ST6GALNAC3: variants seen among roughly 807,000 people sequenced by gnomAD.
The protein encoded by ST6GALNAC3 is ST6 N-acetylgalactosaminide alpha-2,6-sialyltransferase 3.
A neutral mutation model predicts 32.7 loss-of-function variants in ST6GALNAC3; 25 were observed. That is an observed-to-expected ratio of 0.76 (90% CI 0.56 to 1.07). The LOEUF (loss-of-function observed/expected upper bound fraction) is 1.07. Ranked by LOEUF, ST6GALNAC3 falls within the 50% of genes least tolerant of loss-of-function variation. The pLI is 0.00. For synonymous variants in ST6GALNAC3, 129 were observed against 133.1 expected (o/e 0.97, Z 0.21); for missense variants, 355 against 382.4 (o/e 0.93, Z 0.60).
intron 2 of ST6GALNAC3, among the ~76,000 whole-genome samples, chr1:76,391,197 C>A (rs1652518343): frequency 6.6e-6 from 1 of 152,108 alleles, no homozygotes; most frequent in Non-Finnish European, 1.5e-5. Flanking sequence ...ATCTTGGCCT[C>A]CCAAAGTGCT....
chr1:76,422,160 A>C (rs1452540231), intron 3 of ST6GALNAC3, among the ~76,000 whole-genome samples: 1 of 152,028 alleles, frequency 6.6e-6, no homozygotes, highest in African/African-American at 2.4e-5. Flanking sequence ...AAGCACCTAG[A>C]AGAATATATG....
At position 76,509,993 on chromosome 1, in the gene ST6GALNAC3, G is replaced by GA. The variant is rs569250532; in HGVS notation, c.623+97583dup. Among the ~76,000 whole-genome samples the GA allele has an allele frequency of 6.6e-4, 100 of 152,030 alleles. 1 individual carries two copies. The highest frequency in any genetic ancestry group is 6.2e-4 in the South Asian group (3 of 4,818). Reference sequence around the variant, plus strand: ...GAGCTATTATTCTATCTAACACAGGGAAAAAAAGGATTTTCTCAGTCCTTT... The same window carrying GA: ...GAGCTATTATTCTATCTAACACAGGGAAAAAAAAGGATTTTCTCAGTCCTTT... On this transcript the variant is annotated intron_variant, in intron 3 of 4. Coordinates refer to ENST00000328299, the MANE Select transcript of ST6GALNAC3 (RefSeq NM_152996.4). This position sits in a 1 kb window ranked among gnomAD's most constrained non-coding sequence, Gnocchi z 5.5.
At chr1:76,533,047 A>G (rs1277928945) in intron 3 of ST6GALNAC3, among the ~76,000 whole-genome samples, 1 of 152,114 alleles carries the variant, frequency 6.6e-6, no homozygotes. Context: ...ACTGGGCATA[A>G]TAACTTGCAG....
intron 3 of ST6GALNAC3, among the ~76,000 whole-genome samples, chr1:76,525,817 A>ATATACG (rs1662876513): frequency 9.3e-6 from 1 of 107,614 alleles, no homozygotes; most frequent in Non-Finnish European, 1.9e-5. Context: ...ATATATATAT[A>ATATACG]TATATATATA....
chr1:76,163,085 A>G (rs1474934658), intron 1 of ST6GALNAC3, among the ~76,000 whole-genome samples: 2 of 152,218 alleles, frequency 1.3e-5, no homozygotes, highest in Admixed American at 6.5e-5. Context: ...AAGCAGCTTG[A>G]GTGCCTACCT....
At chr1:76,467,087 A>G (rs1262931736) in intron 3 of ST6GALNAC3, among the ~76,000 whole-genome samples, 2 of 152,050 alleles carry the variant, frequency 1.3e-5, no homozygotes, top group African/African-American at 4.8e-5. Flanking sequence ...CATTTATATG[A>G]TCTAATTTAC....
chr1:76,323,003 A>C (rs1222381660), intron 2 of ST6GALNAC3, among the ~76,000 whole-genome samples: 1 of 152,148 alleles, frequency 6.6e-6, no homozygotes, highest in East Asian at 1.9e-4. Flanking sequence ...ACCATGCCCA[A>C]AAATTTTGTA....
chr1:76,301,983 T>G (rs1020616215), intron 1 of ST6GALNAC3, among the ~76,000 whole-genome samples: 2 of 152,100 alleles, frequency 1.3e-5, no homozygotes, highest in Admixed American at 6.6e-5. Context: ...TCCTTAAGGA[T>G]GTGGGCTGAG....
intron 1 of ST6GALNAC3, among the ~76,000 whole-genome samples, chr1:76,150,156 A>G (rs991042086): frequency 6.6e-6 from 1 of 150,984 alleles, no homozygotes; most frequent in African/African-American, 2.4e-5. Flanking sequence ...TGCAGATCCT[A>G]CCCCTGCCTT....
rs556827629 is a variant in ST6GALNAC3, at chr1:76,604,511, T to G, written c.624-22941T>G. ...AATGTTCATCTCATTCTTTGGCTCT[T>G]TTCCCTCTGCTCACACCTCAAATGT... On this transcript the variant is annotated intron_variant, in intron 3 of 4. Transcript: ENST00000328299. 1.7e-4 allele frequency among the ~76,000 whole-genome samples: 26 copies of G among 152,324 alleles called. 1 individual carries two copies. Among genetic ancestry groups the G allele is most frequent in the African/African-American group, 4.8e-4 (20 of 41,578 alleles).
chr1:76,330,358 G>A (rs138050503), intron 2 of ST6GALNAC3, among the ~76,000 whole-genome samples: 1,674 of 152,086 alleles, frequency 0.011, 37 homozygotes, highest in African/African-American at 0.039. Context: ...TCACCATGTT[G>A]GTGAGGCTGG....
intron 3 of ST6GALNAC3, among the ~76,000 whole-genome samples, chr1:76,512,170 G>A (rs1661902424): frequency 6.6e-6 from 1 of 152,028 alleles, no homozygotes; most frequent in South Asian, 2.1e-4. Flanking sequence ...TGTCGTACTT[G>A]AATATTTTGA....
At chr1:76,215,781 A>G (rs1247429849) in intron 1 of ST6GALNAC3, among the ~76,000 whole-genome samples, 1 of 152,122 alleles carries the variant, frequency 6.6e-6, no homozygotes. Flanking sequence ...TGCTTGGTCT[A>G]TTTTAGGAAG....
chr1:76,362,516 A>G (rs1252749907), intron 2 of ST6GALNAC3, among the ~76,000 whole-genome samples: 1 of 152,148 alleles, frequency 6.6e-6, no homozygotes, highest in Non-Finnish European at 1.5e-5. Context: ...CCGAAGTCCA[A>G]AGTCTCATCT....
At chr1:76,318,072 T>A (rs12406797) in intron 2 of ST6GALNAC3, among the ~76,000 whole-genome samples, 17,154 of 151,784 alleles carry the variant, frequency 0.11, 1,450 homozygotes, top group East Asian at 0.39. Flanking sequence ...CTGTTTTTTT[T>A]AAAAAAAATA....
rs775456919 is a variant in ST6GALNAC3 at position 76,074,816 on chromosome 1, C to T, written c.-51C>T. The T allele has an allele frequency of 1.3e-5, 21 of 1,559,964 alleles. No individual in the cohort carries two copies. In the Admixed American group the frequency reaches 4.0e-4, roughly 30 times the overall value. ...CCTCCAGCCTGCCCCCAGGACTGCC[C>T]CTGACCCAGGCGCGCCCGCTGCTCG... On this transcript the variant is annotated 5_prime_UTR_variant, in exon 1 of 5. Coordinates refer to ENST00000328299, the MANE Select transcript of ST6GALNAC3 (RefSeq NM_152996.4).
At chr1:76,185,579 C>G (rs986386290) in intron 1 of ST6GALNAC3, among the ~76,000 whole-genome samples, 2 of 152,160 alleles carry the variant, frequency 1.3e-5, no homozygotes, top group Non-Finnish European at 2.9e-5. Flanking sequence ...GCTCCTCACC[C>G]CTGATGCATT....
At chr1:76,247,057 T>C (rs1657303223) in intron 1 of ST6GALNAC3, among the ~76,000 whole-genome samples, 1 of 152,166 alleles carries the variant, frequency 6.6e-6, no homozygotes, top group South Asian at 2.1e-4. Flanking sequence ...CAGTCAGGCC[T>C]CTCTTCTGCA....
intron 3 of ST6GALNAC3, among the ~76,000 whole-genome samples, chr1:76,589,621 A>G (rs1355702093): frequency 6.6e-6 from 1 of 151,986 alleles, no homozygotes; most frequent in Non-Finnish European, 1.5e-5. Context: ...GCAACATGTC[A>G]GGTGGGGGAA....
Sources: gnomAD v4.1 joint callset for allele counts (sites outside exome capture counted in the v4.1 genomes callset) on GRCh38, gnomAD v4.1.1 for gene constraint, Gnocchi (gnomAD v3.1) non-coding constraint, MANE v1.5 for transcripts, NCBI Gene and HGNC (gene_info 2026-07-23, HGNC 2026-07-21) for gene names.